Variants in GRID2 observed in about 807,000 individuals in gnomAD.
GRID2 encodes the protein glutamate receptor ionotropic, delta-2.
A neutral mutation model predicts 114.8 loss-of-function variants in GRID2; 33 were observed. The observed-to-expected ratio is 0.29, with a 90% CI of 0.22 to 0.38. GRID2 has a LOEUF of 0.38. Ranked by LOEUF, GRID2 falls within the 10% of genes least tolerant of loss-of-function variation. GRID2 has a pLI of 1.00. For missense variants in GRID2, 1,184 were observed against 1,257.7 expected (o/e 0.94, Z 0.89); for synonymous variants, 505 against 449.9 (o/e 1.12, Z -1.55).
At chr4:93,128,817 T>A (rs943032304) in intron 4 of GRID2, among the ~76,000 whole-genome samples, 7 of 152,248 alleles carry the variant, frequency 4.6e-5, no homozygotes, top group African/African-American at 7.2e-5. Context: ...TACAAAAAAA[T>A]TCACAAATTT....
At chr4:93,801,033 C>A (rs530119744) in intron 1 of GRID2, among the ~76,000 whole-genome samples, 1 of 152,088 alleles carries the variant, frequency 6.6e-6, no homozygotes, top group Non-Finnish European at 1.5e-5. Context: ...TGAAAATAAT[C>A]GTTTGTTGGT....
chr4:93,422,070 T>C (rs1768343905), intron 9 of GRID2, among the ~76,000 whole-genome samples: 1 of 152,182 alleles, frequency 6.6e-6, no homozygotes, highest in Admixed American at 6.5e-5. Flanking sequence ...ACACCAGGTG[T>C]TCTCAGAAGT....
At chr4:92,696,179 A>T (rs1734416473) in intron 2 of GRID2, among the ~76,000 whole-genome samples, 1 of 152,108 alleles carries the variant, frequency 6.6e-6, no homozygotes, top group South Asian at 2.1e-4. Flanking sequence ...TATAAACCCC[A>T]TTACAGTCTA....
intron 1 of GRID2, among the ~76,000 whole-genome samples, chr4:92,399,483 A>G (rs1730673549): frequency 6.6e-6 from 1 of 152,154 alleles, no homozygotes; most frequent in African/African-American, 2.4e-5. Flanking sequence ...GCTAAATTCA[A>G]TACTTGGGGT....
chr4:93,706,602 T>A (rs1728020077), intron 14 of GRID2, among the ~76,000 whole-genome samples: 1 of 152,188 alleles, frequency 6.6e-6, no homozygotes, highest in Non-Finnish European at 1.5e-5. Context: ...GTATCACCTC[T>A]AATAGTTTTT....
rs146993246 is a variant in GRID2 at position 93,072,774 on chromosome 4, G to T, written c.245-12221G>T. On this transcript the variant is annotated intron_variant, in intron 2 of 15. Transcript: ENST00000282020. ...TGGATACTAGTCTATTTTATGACTA[G>T]ATACTAGTCTATCATTTACCACTAT... is the stretch of plus-strand genomic sequence containing the variant. 2.7e-3 allele frequency among the ~76,000 whole-genome samples: 415 copies of T among 152,106 alleles called. 7 individuals carry two copies. The highest frequency in any genetic ancestry group is 0.025 in the Admixed American group (374 of 15,252).
intron 2 of GRID2, among the ~76,000 whole-genome samples, chr4:92,833,360 C>G (rs1742245593): frequency 6.6e-6 from 1 of 152,168 alleles, no homozygotes; most frequent in Non-Finnish European, 1.5e-5. Flanking sequence ...TGTACTTCAT[C>G]CATAAACCCC....
chr4:92,855,766 A>AT (rs1744130121), intron 2 of GRID2, among the ~76,000 whole-genome samples: 1 of 151,998 alleles, frequency 6.6e-6, no homozygotes, highest in African/African-American at 2.4e-5. Context: ...AATATGAATT[A>AT]TTTTTATCTG....
intron 2 of GRID2, among the ~76,000 whole-genome samples, chr4:92,689,278 C>T (rs997217972): frequency 2.6e-5 from 4 of 152,180 alleles, no homozygotes; most frequent in Non-Finnish European, 4.4e-5. Context: ...TGAGCCTGTC[C>T]TTTGAAGCCA....
intron 14 of GRID2, among the ~76,000 whole-genome samples, chr4:93,703,612 A>G (rs910159255): frequency 1.3e-5 from 2 of 151,410 alleles, no homozygotes; most frequent in Admixed American, 1.3e-4. Context: ...GTCATTTAAC[A>G]TTAGGTATAT....
chr4:92,949,569 A>T (rs1423354500), intron 2 of GRID2, among the ~76,000 whole-genome samples: 1 of 151,758 alleles, frequency 6.6e-6, no homozygotes, highest in African/African-American at 2.4e-5. Context: ...CCACTGTGAT[A>T]AGAAATGGGA....
intron 2 of GRID2, among the ~76,000 whole-genome samples, chr4:92,862,016 G>A (rs912323625): frequency 1.3e-4 from 20 of 151,818 alleles, no homozygotes; most frequent in African/African-American, 4.6e-4. Context: ...GTATCTCCAC[G>A]GTTTTACCTA....
chr4:93,214,384 A>G (rs977152377), intron 5 of GRID2, among the ~76,000 whole-genome samples: 1 of 152,066 alleles, frequency 6.6e-6, no homozygotes, highest in Non-Finnish European at 1.5e-5. Context: ...TTCAGTGTTT[A>G]TATAACTTTG....
intron 8 of GRID2, among the ~76,000 whole-genome samples, chr4:93,384,291 A>T (rs1032961277): frequency 6.6e-6 from 1 of 152,068 alleles, no homozygotes; most frequent in Admixed American, 6.6e-5. Flanking sequence ...AGGGAAGTGG[A>T]CTCCATCTCT....
At chr4:93,264,212 T>C (rs1030507263) in intron 8 of GRID2, among the ~76,000 whole-genome samples, 3 of 152,182 alleles carry the variant, frequency 2.0e-5, no homozygotes, top group Admixed American at 1.3e-4. Context: ...TTTGACCACA[T>C]ACAATATTGA....
chr4:93,060,901 G>A (rs761464915), intron 2 of GRID2, among the ~76,000 whole-genome samples: 7 of 151,988 alleles, frequency 4.6e-5, no homozygotes, highest in Non-Finnish European at 8.8e-5. Context: ...TCAGGAGTTC[G>A]AGACCAGACT....
chr4:92,673,249 T>C (rs1733164902), intron 2 of GRID2, among the ~76,000 whole-genome samples: 1 of 152,192 alleles, frequency 6.6e-6, no homozygotes. Context: ...TATTCAATCT[T>C]TTGGATAAAT....
intron 13 of GRID2, among the ~76,000 whole-genome samples, chr4:93,533,014 G>A (rs188459467): frequency 6.6e-6 from 1 of 152,132 alleles, no homozygotes; most frequent in African/African-American, 2.4e-5. Flanking sequence ...TGCGTGTGCT[G>A]GGAGAGCCAC....
intron 4 of GRID2, among the ~76,000 whole-genome samples, chr4:93,190,901 T>G (rs1740917549): frequency 6.6e-6 from 1 of 151,990 alleles, no homozygotes; most frequent in African/African-American, 2.4e-5. Context: ...CAATATAATA[T>G]AAATATGATT....
Sources: gnomAD v4.1 joint callset for allele counts (sites outside exome capture counted in the v4.1 genomes callset) on GRCh38, gnomAD v4.1.1 for gene constraint, MANE v1.5 for transcripts, NCBI Gene and HGNC (gene_info 2026-07-23, HGNC 2026-07-21) for gene names.